Variants in APBB1IP observed in about 807,000 individuals in gnomAD.
The protein encoded by APBB1IP is amyloid beta precursor protein binding family B member 1 interacting protein.
A neutral mutation model predicts 64.9 loss-of-function variants in APBB1IP; 27 were observed. The ratio of observed to expected loss-of-function variants is 0.42; its 90% CI spans 0.31 to 0.57. The LOEUF (loss-of-function observed/expected upper bound fraction) is 0.57, where lower values mean the gene tolerates loss of function less well. APBB1IP is among the 20% of genes least tolerant of loss of function. The probability of loss-of-function intolerance (pLI) is 0.20; values close to 1 mark genes in which losing one functional copy is unlikely to be tolerated. For synonymous variants in APBB1IP, 392 were observed against 331.0 expected, an observed-to-expected ratio of 1.18 and a Z score of -2.00; for missense variants, 812 against 845.5, an observed-to-expected ratio of 0.96 and a Z score of 0.49.
Position 26,536,151 on chromosome 10 carries a change from C to G in APBB1IP, c.978C>G (p.Ser326=). The G allele has an allele frequency of 6.2e-7, 1 of 1,608,342 alleles. No individual in the cohort carries two copies. The highest frequency in any genetic ancestry group is 8.5e-7 in the Non-Finnish European group (1 of 1,177,868). ...ALYLKEDGKK[S]WKRRYFLLRA... ...ATTTGAAAGAAGATGGAAAGAAATC[C>G]TGGAAAAGGCGCTATTTTCTTTTAC... Residue 326 remains serine (S), a synonymous_variant, in exon 10 of 15, where the codon TCC becomes TCG. Coordinates refer to ENST00000376236, the MANE Select transcript of APBB1IP (RefSeq NM_019043.4).
chr10:26,510,296 G>A (rs561617467), intron 6 of APBB1IP, among the ~76,000 whole-genome samples: 1 of 152,238 alleles, frequency 6.6e-6, no homozygotes, highest in African/African-American at 2.4e-5. Flanking sequence ...ACTTTGACAA[G>A]TTGCCTAGAA....
intron 11 of APBB1IP, among the ~76,000 whole-genome samples, chr10:26,556,270 G>T (rs12354674): frequency 0.23 from 35,426 of 152,164 alleles, 4,614 homozygotes; most frequent in Non-Finnish European, 0.28. Context: ...AAGCTCCTTG[G>T]CAAAGTCTCA....
chr10:26,488,956 C>T (rs950868109), intron 2 of APBB1IP, among the ~76,000 whole-genome samples: 4 of 152,200 alleles, frequency 2.6e-5, no homozygotes, highest in East Asian at 1.9e-4. Context: ...CTTTGGGATG[C>T]GTCTGCCACT....
chr10:26,548,722 A>G (rs1055727373), intron 11 of APBB1IP, among the ~76,000 whole-genome samples: 2 of 152,064 alleles, frequency 1.3e-5, no homozygotes, highest in Non-Finnish European at 1.5e-5. Flanking sequence ...TTTGTTTATT[A>G]GTTCTAACAG....
chr10:26,470,628 A>T (rs976196897), intron 2 of APBB1IP, among the ~76,000 whole-genome samples: 43 of 152,196 alleles, frequency 2.8e-4, no homozygotes, highest in African/African-American at 1.0e-3. Context: ...GTTAGGCTAT[A>T]CTAAGCTACA....
At chr10:26,516,562 G>C (rs114415679) in intron 8 of APBB1IP, among the ~76,000 whole-genome samples, 735 of 39,092 alleles carry the variant, frequency 0.019, 37 homozygotes, top group African/African-American at 0.074. Flanking sequence ...AAAAAAAAAA[G>C]TAAAGCGGAA....
At chr10:26,549,850 G>A (rs1836809090) in intron 11 of APBB1IP, among the ~76,000 whole-genome samples, 1 of 151,162 alleles carries the variant, frequency 6.6e-6, no homozygotes, top group South Asian at 2.1e-4. Context: ...TCATTTATTT[G>A]TGCTCTGATC....
chr10:26,518,357 C>T (rs1432676471), intron 8 of APBB1IP, among the ~76,000 whole-genome samples: 1 of 151,800 alleles, frequency 6.6e-6, no homozygotes, highest in African/African-American at 2.4e-5. Context: ...AAGTGATTCT[C>T]GTGCCTCAGC....
At chr10:26,514,147 C>G (rs1015572474) in intron 8 of APBB1IP, among the ~76,000 whole-genome samples, 1 of 152,102 alleles carries the variant, frequency 6.6e-6, no homozygotes, top group Non-Finnish European at 1.5e-5. Context: ...GCTATATGTA[C>G]GCTAACAGTC....
intron 10 of APBB1IP, among the ~76,000 whole-genome samples, chr10:26,541,296 A>G (rs190639737): frequency 1.3e-5 from 2 of 152,218 alleles, no homozygotes; most frequent in South Asian, 4.1e-4. Flanking sequence ...CATCTCAAAC[A>G]TTTATCATTT....
intron 10 of APBB1IP, among the ~76,000 whole-genome samples, chr10:26,539,530 G>A (rs567064950): frequency 6.6e-6 from 1 of 151,980 alleles, no homozygotes; most frequent in Non-Finnish European, 1.5e-5. Flanking sequence ...GAAAATATAG[G>A]TTAATGTTTT....
chr10:26,526,709 A>C (rs1421671466), intron 8 of APBB1IP, among the ~76,000 whole-genome samples: 1 of 150,696 alleles, frequency 6.6e-6, no homozygotes, highest in Non-Finnish European at 1.5e-5. Flanking sequence ...ACAGAGTGAG[A>C]CTCTGTCTCA....
At chr10:26,487,981 G>C (rs1180883828) in intron 2 of APBB1IP, among the ~76,000 whole-genome samples, 4 of 152,124 alleles carry the variant, frequency 2.6e-5, no homozygotes, top group Admixed American at 2.6e-4. Flanking sequence ...AATCTGAAAT[G>C]TGTTAACACC....
chr10:26,565,096 T>C (rs1837023696), intron 14 of APBB1IP, among the ~76,000 whole-genome samples: 1 of 152,238 alleles, frequency 6.6e-6, no homozygotes, highest in Non-Finnish European at 1.5e-5. Context: ...AAAGCTTACC[T>C]GTAGCCAAGA....
chr10:26,485,715 G>C (rs556842721), intron 2 of APBB1IP, among the ~76,000 whole-genome samples: 2 of 152,300 alleles, frequency 1.3e-5, no homozygotes, highest in African/African-American at 4.8e-5. Flanking sequence ...ACCATGTCAA[G>C]TTGGTTGTTA....
intron 2 of APBB1IP, among the ~76,000 whole-genome samples, chr10:26,469,941 A>G (rs1194979135): frequency 6.6e-6 from 1 of 152,114 alleles, no homozygotes; most frequent in Non-Finnish European, 1.5e-5. Flanking sequence ...ATTTCAACTC[A>G]TGATCTCCCC....
chr10:26,516,919 T>C (rs1018907393), intron 8 of APBB1IP, among the ~76,000 whole-genome samples: 2 of 152,186 alleles, frequency 1.3e-5, no homozygotes, highest in Non-Finnish European at 2.9e-5. Flanking sequence ...TTACCTATAG[T>C]GGAAGATAAG....
intron 2 of APBB1IP, among the ~76,000 whole-genome samples, chr10:26,439,092 G>T (rs572938113): frequency 3.0e-4 from 46 of 152,274 alleles, no homozygotes; most frequent in Admixed American, 7.2e-4. Flanking sequence ...TTTGGGGTTC[G>T]GGTTTGCTTT....
intron 6 of APBB1IP, among the ~76,000 whole-genome samples, chr10:26,510,849 A>T (rs1050332972): frequency 6.6e-6 from 1 of 151,394 alleles, no homozygotes; most frequent in African/African-American, 2.4e-5. Context: ...ACTTAATCCA[A>T]CTGTGATCTC....
Sources: gnomAD v4.1 joint callset for allele counts (sites outside exome capture counted in the v4.1 genomes callset) on GRCh38, gnomAD v4.1.1 for gene constraint, MANE v1.5 for transcripts, NCBI Gene and HGNC (gene_info 2026-07-23, HGNC 2026-07-21) for gene names.